Variants in MACC1 observed in about 807,000 individuals in gnomAD.
MACC1 encodes the protein MET transcriptional regulator MACC1.
MACC1 carries 79 observed loss-of-function variants against 70.7 expected under a neutral mutation model. The observed-to-expected ratio is 1.12, with a 90% CI of 0.93 to 1.35. The LOEUF (loss-of-function observed/expected upper bound fraction) is 1.35, where lower values mean the gene tolerates loss of function less well. Among genes scored for constraint, MACC1 ranks in the 40% most tolerant of loss-of-function variants. MACC1 has a pLI of 0.00. For synonymous variants in MACC1, 361 were observed against 347.2 expected, an observed-to-expected ratio of 1.04 and a Z score of -0.44; for missense variants, 1,106 against 978.1, an observed-to-expected ratio of 1.13 and a Z score of -1.74.
At chr7:20,183,098 C>T (rs765321721) in intron 1 of MACC1, among the ~76,000 whole-genome samples, 1 of 152,162 alleles carries the variant, frequency 6.6e-6, no homozygotes, top group Non-Finnish European at 1.5e-5. Context: ...TCCATGATTA[C>T]GTGACATTGT....
At chr7:20,197,663 C>T (rs1782773652) in intron 1 of MACC1, among the ~76,000 whole-genome samples, 1 of 152,140 alleles carries the variant, frequency 6.6e-6, no homozygotes, top group African/African-American at 2.4e-5. Context: ...CAAAAACTAA[C>T]TAAAATATAC....
chr7:20,156,638 G>T (rs1782058627), intron 5 of MACC1, among the ~76,000 whole-genome samples: 1 of 152,156 alleles, frequency 6.6e-6, no homozygotes, highest in Non-Finnish European at 1.5e-5. Flanking sequence ...ATGTCCCAGG[G>T]TAGGTAAGAA....
At chr7:20,182,870 A>G (rs1782531773) in intron 1 of MACC1, among the ~76,000 whole-genome samples, 1 of 152,248 alleles carries the variant, frequency 6.6e-6, no homozygotes, top group Non-Finnish European at 1.5e-5. Context: ...CAATATTTAC[A>G]AAAACTAATG....
Position 20,159,713 on chromosome 7 carries a change from G to T in MACC1, c.648C>A (p.Cys216Ter), listed in dbSNP as rs1410614059. ...QTQLAEVTIA[C>*]KVNHQGGSVQ... is the part of the protein sequence containing the mutation. Reference sequence around the variant, plus strand: ...CTGACCCTCCTTGATGGTTTACTTTGCAAGCTATGGTGACCTCCGCAAGTT... The same window carrying T: ...CTGACCCTCCTTGATGGTTTACTTTTCAAGCTATGGTGACCTCCGCAAGTT... The change falls in exon 5 of 7, where the codon TGC becomes TGA. Residue 216 changes from cysteine (C) to a stop codon, truncating the protein, a stop_gained. Transcript: ENST00000400331. LOFTEE classifies it high-confidence loss of function. 5.0e-6 allele frequency: 8 copies of T among 1,614,016 alleles called. No homozygotes were observed. The highest frequency in any genetic ancestry group is 1.7e-5 in the Admixed American group (1 of 59,962).
intron 1 of MACC1, among the ~76,000 whole-genome samples, chr7:20,191,860 G>C (rs1782678200): frequency 1.3e-5 from 2 of 152,164 alleles, no homozygotes; most frequent in Non-Finnish European, 2.9e-5. Context: ...GAGGTAAGTG[G>C]CTTGCACACC....
At position 20,141,165 on chromosome 7, in the gene MACC1, A is replaced by G. The variant is rs1781795230; in HGVS notation, c.2347-7T>C. 1 of 1,570,116 alleles carries G rather than the reference A, an allele frequency of 6.4e-7. No individual in the cohort carries two copies. The highest frequency in any genetic ancestry group is 1.9e-5 in the Admixed American group (1 of 52,532). ...AGGCAGGTTTCCACATCATCTATAAAGAAAAAAAATAGATTGGAGTAGTGT... is the reference window on the plus strand; with the variant it reads ...AGGCAGGTTTCCACATCATCTATAAGGAAAAAAAATAGATTGGAGTAGTGT... On this transcript the variant is annotated splice_region_variant and splice_polypyrimidine_tract_variant and intron_variant, in intron 6 of 6. Transcript: ENST00000400331.
In MACC1 at chr7:20,159,589, G is replaced by T; in HGVS notation, c.772C>A (p.Pro258Thr). ...EVSLRAFLDPPHMLNHDLSCT... is the reference protein window; with the variant it reads ...EVSLRAFLDPTHMLNHDLSCT... ...GAAAGATCATGGTTAAGCATGTGTG[G>T]CGGATCAAGGAAAGCCCTTAGAGAC... Residue 258 changes from proline to threonine, a missense_variant, in exon 5 of 7, where the codon CCA becomes ACA. Transcript: ENST00000400331. 1 of 1,614,086 alleles carries T rather than the reference G, an allele frequency of 6.2e-7. No homozygotes were observed. The highest frequency in any genetic ancestry group is 8.5e-7 in the Non-Finnish European group (1 of 1,180,000).
intron 5 of MACC1, among the ~76,000 whole-genome samples, chr7:20,157,516 G>T (rs1015278683): frequency 1.2e-4 from 18 of 151,646 alleles, no homozygotes; most frequent in African/African-American, 4.1e-4. Flanking sequence ...AGGTGTGGTG[G>T]CTCATGGCTG....
Position 20,160,265 on chromosome 7 carries a change from C to G in MACC1, c.116-20G>C, listed in dbSNP as rs117895873. 15,545 of 1,518,278 alleles carry G rather than the reference C, an allele frequency of 0.01. 99 individuals are homozygous for G. The highest frequency in any genetic ancestry group is 0.024 in the Middle Eastern group (135 of 5,628). The allele number at this position is 1,518,278 out of a possible 1,614,324, so 94.1% of individuals were successfully genotyped here. On this transcript the variant is annotated intron_variant, in intron 4 of 6. Transcript: ENST00000400331. The stretch of plus-strand genomic sequence containing the variant: ...GGCATTCTTGTTATTTAAGGAAAGA[C>G]AAAGCAAAACAAAGATAAGGTGGCA...
intron 2 of MACC1, among the ~76,000 whole-genome samples, chr7:20,169,143 A>G (rs1370754020): frequency 6.6e-6 from 1 of 152,220 alleles, no homozygotes; most frequent in African/African-American, 2.4e-5. Flanking sequence ...TGTGAAAAAC[A>G]TTTAATGACT....
chr7:20,155,755 A>G (rs1005542017), intron 5 of MACC1, among the ~76,000 whole-genome samples: 1 of 152,222 alleles, frequency 6.6e-6, no homozygotes, highest in African/African-American at 2.4e-5. Flanking sequence ...AAATGGATCC[A>G]TACATTTATA....
At chr7:20,165,737 G>A (rs1232027894) in intron 2 of MACC1, among the ~76,000 whole-genome samples, 1 of 151,938 alleles carries the variant, frequency 6.6e-6, no homozygotes, top group Admixed American at 6.6e-5. Context: ...GTCAGTCTTT[G>A]TTGGAATGAG....
chr7:20,140,981 T>A lies in MACC1; in HGVS notation c.2524A>T (p.Arg842Ter). The change falls in exon 7 of 7, where the codon AGA (arginine) becomes TGA (stop). Residue 842 changes from arginine to a stop codon, truncating the protein, a stop_gained. Transcript: ENST00000400331. LOFTEE classifies it high-confidence loss of function. Reference protein sequence around the residue: ...LILVNSLEVLRVTAFSTSEEV With the variant: ...LILVNSLEVL ...TCAGAAGTGGAGAATGCAGTTACTC[T>A]CAAAACCTCCAAAGAATTTACTAGT... The A allele has an allele frequency of 6.2e-7, 1 of 1,613,794 alleles. No homozygotes were observed. The highest frequency in any genetic ancestry group is 8.5e-7 in the Non-Finnish European group (1 of 1,179,830).
At chr7:20,196,752 A>G (rs1040351100) in intron 1 of MACC1, among the ~76,000 whole-genome samples, 7 of 152,176 alleles carry the variant, frequency 4.6e-5, no homozygotes, top group African/African-American at 1.4e-4. Context: ...TCATGCATGG[A>G]GAACCGGTTT....
chr7:20,163,215 A>G (rs1279388851), intron 3 of MACC1, among the ~76,000 whole-genome samples: 1 of 152,144 alleles, frequency 6.6e-6, no homozygotes, highest in Non-Finnish European at 1.5e-5. Flanking sequence ...GCAAAATGAA[A>G]CCCCAAGAAA....
chr7:20,205,505 AT>A (rs112484661), intron 1 of MACC1, among the ~76,000 whole-genome samples: 4,103 of 148,620 alleles, frequency 0.028, 205 homozygotes, highest in African/African-American at 0.094. Flanking sequence ...AATTCAATCT[AT>A]TTTTTTTTTG....
chr7:20,211,278 T>C (rs1332288909), intron 1 of MACC1, among the ~76,000 whole-genome samples: 1 of 152,038 alleles, frequency 6.6e-6, no homozygotes, highest in African/African-American at 2.4e-5. Flanking sequence ...AATTAAATAA[T>C]ATAATATAAT....
At chr7:20,208,626 G>A (rs561310541) in intron 1 of MACC1, among the ~76,000 whole-genome samples, 3 of 152,294 alleles carry the variant, frequency 2.0e-5, no homozygotes, top group Admixed American at 6.5e-5. Flanking sequence ...ATAAAAGTTT[G>A]GAAAATGTGC....
At position 20,160,002 on chromosome 7, in the gene MACC1, A is replaced by G. The variant is rs1178637669; in HGVS notation, c.359T>C (p.Leu120Pro). The G allele has an allele frequency of 1.2e-5, 19 of 1,613,878 alleles. No homozygotes were observed. Among genetic ancestry groups the G allele is most frequent in the Non-Finnish European group, 1.4e-5 (17 of 1,179,910 alleles). The change falls in exon 5 of 7, where the codon CTT (leucine) becomes CCT (proline). Residue 120 changes from leucine (L) to proline (P), a missense_variant. Physicochemically the swap from Leu to Pro is moderately conservative, Grantham distance 98. Transcript: ENST00000400331. ...GNSFDSSGDELDVHQLLRQTS... is the reference protein window; with the variant it reads ...GNSFDSSGDEPDVHQLLRQTS... ...CTGCCTAAGTAACTGATGCACATCA[A>G]GTTCATCACCGGAGGAATCAAAAGA...
Sources: gnomAD v4.1 joint callset for allele counts (sites outside exome capture counted in the v4.1 genomes callset) on GRCh38, gnomAD v4.1.1 for gene constraint, MANE v1.5 for transcripts, NCBI Gene and HGNC (gene_info 2026-07-23, HGNC 2026-07-21) for gene names.